UMAD1: variants seen among roughly 807,000 people sequenced by gnomAD.
The protein encoded by UMAD1 is UBAP1-MVB12-associated (UMA)-domain containing protein 1.
A neutral mutation model predicts 6.1 loss-of-function variants in UMAD1; 8 were observed. The ratio of observed to expected loss-of-function variants is 1.30; its 90% CI spans 0.76 to 2.35. The LOEUF is 2.35. UMAD1 is among the 30% of genes most tolerant of loss of function. The probability of loss-of-function intolerance (pLI) is 0.00; values close to 1 mark genes in which losing one functional copy is unlikely to be tolerated. For synonymous variants in UMAD1, 56 were observed against 31.4 expected, an observed-to-expected ratio of 1.78 and a Z score of -2.61; for missense variants, 130 against 78.4, an observed-to-expected ratio of 1.66 and a Z score of -2.49.
chr7:7,674,872 A>G (rs867930522), intron 2 of UMAD1, among the ~76,000 whole-genome samples: 1 of 152,148 alleles, frequency 6.6e-6, no homozygotes, highest in African/African-American at 2.4e-5. Context: ...GAGTTTCACA[A>G]TAAATTCTTC....
intron 2 of UMAD1, among the ~76,000 whole-genome samples, chr7:7,705,378 AG>A (rs889956815): frequency 2.0e-5 from 3 of 152,244 alleles, no homozygotes; most frequent in African/African-American, 7.2e-5. Context: ...GAGTTTAAAA[AG>A]TAATTTTACA....
At chr7:7,747,204 G>C (rs146405661) in intron 2 of UMAD1, among the ~76,000 whole-genome samples, 21 of 152,272 alleles carry the variant, frequency 1.4e-4, no homozygotes, top group African/African-American at 4.6e-4. Flanking sequence ...TTTTGGAGTT[G>C]CTACAGGAGA....
intron 3 of UMAD1, among the ~76,000 whole-genome samples, chr7:7,845,990 C>A (rs1394756193): frequency 1.3e-5 from 2 of 152,070 alleles, no homozygotes; most frequent in African/African-American, 4.8e-5. Context: ...ACTCTCTTTG[C>A]TAGTATTGTG....
intron 2 of UMAD1, among the ~76,000 whole-genome samples, chr7:7,772,842 T>C (rs1782127140): frequency 6.6e-6 from 1 of 152,200 alleles, no homozygotes; most frequent in Admixed American, 6.5e-5. Context: ...CAGACAGCTG[T>C]AGTGTAATTA....
rs528838375 is a variant in UMAD1 at position 7,862,182 on chromosome 7, T to C, written c.157-15099T>C. On this transcript the variant is annotated intron_variant, in intron 3 of 3. Transcript: ENST00000682710. Reference sequence around the variant, plus strand: ...GCCATTTATTTGCATTCAGTCGATATCATATAAGTGATGTCAATTTATTTA... The same window carrying C: ...GCCATTTATTTGCATTCAGTCGATACCATATAAGTGATGTCAATTTATTTA... 5.9e-5 allele frequency among the ~76,000 whole-genome samples: 9 copies of C among 152,310 alleles called. No individual in the cohort carries two copies. The South Asian group carries it at 1.9e-3, about 32-fold the overall frequency.
At chr7:7,685,657 A>T (rs555621213) in intron 2 of UMAD1, among the ~76,000 whole-genome samples, 1 of 152,156 alleles carries the variant, frequency 6.6e-6, no homozygotes, top group Non-Finnish European at 1.5e-5. Flanking sequence ...GTGTTGGCCC[A>T]CTTGGTTTCT....
At chr7:7,844,175 C>T (rs1017227149) in intron 3 of UMAD1, among the ~76,000 whole-genome samples, 4 of 152,194 alleles carry the variant, frequency 2.6e-5, no homozygotes, top group African/African-American at 9.7e-5. Context: ...GCTGGCACAG[C>T]ATTTCCCACA....
chr7:7,647,700 T>C (rs1323359095), intron 1 of UMAD1, among the ~76,000 whole-genome samples: 1 of 152,222 alleles, frequency 6.6e-6, no homozygotes, highest in Non-Finnish European at 1.5e-5. Flanking sequence ...CTTGAACTCC[T>C]GAGCTCAAGG....
rs1307260631 is a variant in UMAD1, at chr7:7,678,415, AAT to A, written c.82+4967_82+4968del. ...AAATAGCTATTCAGATATATAAAAA[AAT>A]ATATTTATATATTATTTAATATATA... is the stretch of plus-strand genomic sequence containing the variant. On this transcript the variant is annotated intron_variant, in intron 2 of 3. Coordinates refer to ENST00000682710, the MANE Select transcript of UMAD1 (RefSeq NM_001302348.2). Among the ~76,000 whole-genome samples the A allele has an allele frequency of 2.1e-5, 3 of 144,796 alleles. No individual in the cohort carries two copies. In the East Asian group the frequency reaches 5.9e-4, roughly 28 times the overall value. The allele number at this position is 144,796 out of a possible 152,430, so 95.0% of individuals were successfully genotyped here. A position where few individuals can be genotyped will look rare whatever the true frequency, so the allele number is the denominator to read the frequency against.
At chr7:7,763,965 CA>C (rs1563187533) in intron 2 of UMAD1, among the ~76,000 whole-genome samples, 1 of 152,018 alleles carries the variant, frequency 6.6e-6, no homozygotes, top group Non-Finnish European at 1.5e-5. Context: ...TCTCAAATAG[CA>C]GTAGAAAAGA....
intron 2 of UMAD1, among the ~76,000 whole-genome samples, chr7:7,686,181 C>G (rs1182635818): frequency 6.6e-6 from 1 of 152,048 alleles, no homozygotes; most frequent in East Asian, 1.9e-4. Context: ...CAAAACTATT[C>G]TAGGTGGTGG....
chr7:7,727,654 C>T (rs1237707973), intron 2 of UMAD1, among the ~76,000 whole-genome samples: 1 of 152,134 alleles, frequency 6.6e-6, no homozygotes, highest in African/African-American at 2.4e-5. Flanking sequence ...ACCCTCTAAT[C>T]AACTGTTTGC....
chr7:7,794,181 G>A (rs1241116345), intron 2 of UMAD1, among the ~76,000 whole-genome samples: 1 of 152,140 alleles, frequency 6.6e-6, no homozygotes, highest in South Asian at 2.1e-4. Context: ...ACAGTTTTCT[G>A]TATTCACAGC....
intron 2 of UMAD1, among the ~76,000 whole-genome samples, chr7:7,757,586 A>C (rs1164259767): frequency 6.6e-6 from 1 of 152,210 alleles, no homozygotes; most frequent in African/African-American, 2.4e-5. Flanking sequence ...TTGAAGAGTT[A>C]GTTTACAGAT....
At chr7:7,853,682 T>C (rs189571773) in intron 3 of UMAD1, among the ~76,000 whole-genome samples, 15 of 152,340 alleles carry the variant, frequency 9.8e-5, no homozygotes, top group African/African-American at 2.6e-4. Flanking sequence ...GCTGAACTTA[T>C]TTGTTCCAAT....
At chr7:7,826,138 C>T (rs1783336432) in intron 3 of UMAD1, among the ~76,000 whole-genome samples, 1 of 152,012 alleles carries the variant, frequency 6.6e-6, no homozygotes, top group Admixed American at 6.6e-5. Flanking sequence ...ACTGTATGTA[C>T]ATGGATGAAT....
intron 2 of UMAD1, among the ~76,000 whole-genome samples, chr7:7,721,170 C>T (rs1158698275): frequency 6.6e-6 from 1 of 152,196 alleles, no homozygotes; most frequent in Non-Finnish European, 1.5e-5. Flanking sequence ...CTACTGACAA[C>T]TTGATTGACG....
At chr7:7,645,426 G>C (rs6950845) in intron 1 of UMAD1, among the ~76,000 whole-genome samples, 43,548 of 152,084 alleles carry the variant, frequency 0.29, 6,611 homozygotes, top group Middle Eastern at 0.37. Flanking sequence ...TCTTTCTGTA[G>C]TTCTACATTC....
chr7:7,814,457 A>G (rs1252474129), intron 3 of UMAD1, among the ~76,000 whole-genome samples: 1 of 152,114 alleles, frequency 6.6e-6, no homozygotes, highest in Non-Finnish European at 1.5e-5. Context: ...CTTATGAGAT[A>G]TGCATCTGCT....
Sources: gnomAD v4.1 joint callset for allele counts (sites outside exome capture counted in the v4.1 genomes callset) on GRCh38, gnomAD v4.1.1 for gene constraint, MANE v1.5 for transcripts, NCBI Gene and HGNC (gene_info 2026-07-23, HGNC 2026-07-21) for gene names.